FAM107B: variants seen among roughly 807,000 people sequenced by gnomAD.
FAM107B encodes the protein protein FAM107B.
Under a neutral mutation model 31.5 loss-of-function variants are expected in FAM107B, and 21 were observed. The ratio of observed to expected loss-of-function variants is 0.67; its 90% confidence interval spans 0.47 to 0.96. FAM107B has a LOEUF of 0.96. Among genes scored for constraint, FAM107B ranks in the 40% least tolerant of loss-of-function variants. The pLI is 0.00. For synonymous variants in FAM107B, 157 were observed against 141.5 expected, an observed-to-expected ratio of 1.11 and a Z score of -0.78; for missense variants, 452 against 377.1, an observed-to-expected ratio of 1.20 and a Z score of -1.64.
At chr10:14,629,350 T>TACATA (rs1853265695) in intron 2 of FAM107B, among the ~76,000 whole-genome samples, 1 of 102,866 alleles carries the variant, frequency 9.7e-6, no homozygotes, top group Non-Finnish European at 1.8e-5. Context: ...GTAATTTATA[T>TACATA]ATATAATATA....
At chr10:14,675,052 G>T (rs1854649150) in intron 1 of FAM107B, among the ~76,000 whole-genome samples, 1 of 152,170 alleles carries the variant, frequency 6.6e-6, no homozygotes, top group Non-Finnish European at 1.5e-5. Flanking sequence ...GCTGATTCCA[G>T]TGGTATAAAT....
At chr10:14,522,259 G>A (rs1029313111) in intron 3 of FAM107B, 10 of 523,210 alleles carry the variant, frequency 1.9e-5, no homozygotes, top group Non-Finnish European at 2.3e-5. Context: ...TATTGGCCAC[G>A]TGCCATGTGC....
At chr10:14,563,441 T>C (rs1029012856) in intron 2 of FAM107B, among the ~76,000 whole-genome samples, 1 of 152,238 alleles carries the variant, frequency 6.6e-6, no homozygotes, top group Non-Finnish European at 1.5e-5. Context: ...AGATAATTTA[T>C]TACATTTGTA....
At chr10:14,641,637 G>A (rs10906727) in intron 2 of FAM107B, among the ~76,000 whole-genome samples, 40,406 of 152,058 alleles carry the variant, frequency 0.27, 5,781 homozygotes, top group East Asian at 0.49. Context: ...GCGCTCTGAT[G>A]TCTCTTCTTC....
chr10:14,664,069 C>A (rs1854340761), intron 2 of FAM107B, among the ~76,000 whole-genome samples: 1 of 152,138 alleles, frequency 6.6e-6, no homozygotes, highest in South Asian at 2.1e-4. Context: ...TGAAAAACTT[C>A]CTGGATTCCT....
At chr10:14,705,439 TAGCCAAAG>T (rs1272530495) in intron 1 of FAM107B, among the ~76,000 whole-genome samples, 1 of 152,090 alleles carries the variant, frequency 6.6e-6, no homozygotes, top group East Asian at 1.9e-4. Context: ...TTGTCTACAA[TAGCCAAAG>T]GTGTGAACAA....
At chr10:14,742,180 T>C (rs1034273456) in intron 1 of FAM107B, among the ~76,000 whole-genome samples, 1 of 152,146 alleles carries the variant, frequency 6.6e-6, no homozygotes, top group African/African-American at 2.4e-5. Flanking sequence ...GGCAAAATCA[T>C]GACCCAACTC....
intron 2 of FAM107B, among the ~76,000 whole-genome samples, chr10:14,656,273 A>T (rs2131455775): frequency 6.6e-6 from 1 of 152,312 alleles, no homozygotes; most frequent in Middle Eastern, 3.4e-3. Flanking sequence ...CATGGGGGCG[A>T]TAAAGAGGCT....
At chr10:14,688,329 G>T (rs1455101481) in intron 1 of FAM107B, among the ~76,000 whole-genome samples, 1 of 152,130 alleles carries the variant, frequency 6.6e-6, no homozygotes, top group Non-Finnish European at 1.5e-5. Context: ...CTTGCAGAAG[G>T]CCTATTGTGG....
chr10:14,661,073 G>C (rs1004341429), intron 2 of FAM107B, among the ~76,000 whole-genome samples: 5 of 152,148 alleles, frequency 3.3e-5, no homozygotes, highest in Non-Finnish European at 7.3e-5. Context: ...CAGCCATGTA[G>C]GACCTGCCTA....
At chr10:14,595,185 C>A (rs1852146256) in intron 2 of FAM107B, among the ~76,000 whole-genome samples, 1 of 152,140 alleles carries the variant, frequency 6.6e-6, no homozygotes, top group Admixed American at 6.5e-5. Flanking sequence ...AAAAATTACA[C>A]AACTGTGTAC....
intron 2 of FAM107B, among the ~76,000 whole-genome samples, chr10:14,588,547 C>A (rs1468087672): frequency 6.6e-6 from 1 of 152,130 alleles, no homozygotes; most frequent in Non-Finnish European, 1.5e-5. Flanking sequence ...GTCCCATAAA[C>A]CCCCGGAGGC....
chr10:14,649,969 C>T (rs1485261433), intron 2 of FAM107B, among the ~76,000 whole-genome samples: 1 of 152,196 alleles, frequency 6.6e-6, no homozygotes, highest in East Asian at 1.9e-4. Context: ...CTGTGCGTTT[C>T]CTCCAGTATC....
chr10:14,590,323 C>T (rs1359029227), intron 2 of FAM107B, among the ~76,000 whole-genome samples: 1 of 152,174 alleles, frequency 6.6e-6, no homozygotes, highest in Non-Finnish European at 1.5e-5. Flanking sequence ...AGTGTTTGGT[C>T]AACAGCACGA....
chr10:14,760,679 T>C (rs1215853596), intron 1 of FAM107B, among the ~76,000 whole-genome samples: 2 of 149,668 alleles, frequency 1.3e-5, no homozygotes. Flanking sequence ...CTAAAAGATG[T>C]TTTTAGTTTA....
At chr10:14,615,458 C>G (rs1023216179) in intron 2 of FAM107B, among the ~76,000 whole-genome samples, 104 of 152,338 alleles carry the variant, frequency 6.8e-4, no homozygotes, top group African/African-American at 2.0e-3. Context: ...GAAGTGAACT[C>G]TACTCTAGCC....
chr10:14,581,207 A>T (rs1851625094), intron 2 of FAM107B, among the ~76,000 whole-genome samples: 1 of 152,182 alleles, frequency 6.6e-6, no homozygotes, highest in Non-Finnish European at 1.5e-5. Context: ...TGCGCGTCAG[A>T]TGTCGCATTT....
chr10:14,695,532 C>A (rs1259102729), intron 1 of FAM107B, among the ~76,000 whole-genome samples: 1 of 152,130 alleles, frequency 6.6e-6, no homozygotes, highest in Non-Finnish European at 1.5e-5. Flanking sequence ...AAGAATGCCA[C>A]TGGGATTTTG....
At chr10:14,644,422 C>G (rs76493259) in intron 2 of FAM107B, among the ~76,000 whole-genome samples, 1 of 152,198 alleles carries the variant, frequency 6.6e-6, no homozygotes, top group African/African-American at 2.4e-5. Context: ...GCATCCAGCA[C>G]GGCTCATGTT....
Sources: gnomAD v4.1 joint callset for allele counts (sites outside exome capture counted in the v4.1 genomes callset) on GRCh38, gnomAD v4.1.1 for gene constraint, MANE v1.5 for transcripts, NCBI Gene and HGNC (gene_info 2026-07-23, HGNC 2026-07-21) for gene names.